Variants in ATRNL1 observed in about 807,000 individuals in gnomAD.
The protein encoded by ATRNL1 is attractin-like protein 1.
ATRNL1 carries 95 observed loss-of-function variants against 182.7 expected under a neutral mutation model. That is an observed-to-expected ratio of 0.52 (90% CI 0.44 to 0.62). The LOEUF (loss-of-function observed/expected upper bound fraction) is 0.62, where lower values mean the gene tolerates loss of function less well. Among genes scored for constraint, ATRNL1 ranks in the 20% least tolerant of loss-of-function variants. ATRNL1 has a pLI of 0.00. For missense variants in ATRNL1, 1,471 were observed against 1,679.5 expected (o/e 0.88, Z 2.17); for synonymous variants, 576 against 568.3 (o/e 1.01, Z -0.19).
At chr10:115,306,731 G>A (rs12357053) in intron 17 of ATRNL1, among the ~76,000 whole-genome samples, 38,659 of 151,630 alleles carry the variant, frequency 0.25, 5,151 homozygotes, top group South Asian at 0.32. Flanking sequence ...TCTTAACTCT[G>A]TTTGCATTTT....
intron 26 of ATRNL1, among the ~76,000 whole-genome samples, chr10:115,652,943 A>G (rs1555034765): frequency 6.6e-6 from 1 of 152,136 alleles, no homozygotes; most frequent in Non-Finnish European, 1.5e-5. Context: ...TATGTATTGT[A>G]AGTTATGTAG....
chr10:115,865,745 C>T (rs531357614), intron 28 of ATRNL1, among the ~76,000 whole-genome samples: 2 of 152,240 alleles, frequency 1.3e-5, no homozygotes, highest in Non-Finnish European at 2.9e-5. Context: ...TGTGTGACGC[C>T]GTATGCTGAG....
At chr10:115,669,906 C>T (rs1167019722) in intron 26 of ATRNL1, among the ~76,000 whole-genome samples, 1 of 152,018 alleles carries the variant, frequency 6.6e-6, no homozygotes, top group East Asian at 1.9e-4. Context: ...GGTGTTATTA[C>T]TTAGAGGTGT....
intron 26 of ATRNL1, among the ~76,000 whole-genome samples, chr10:115,563,002 A>T (rs147704992): frequency 2.0e-3 from 306 of 152,334 alleles, no homozygotes; most frequent in African/African-American, 7.0e-3. Context: ...CTACAAAACT[A>T]TGGTAATCAA....
chr10:115,107,537 G>A (rs1844067612), intron 1 of ATRNL1, among the ~76,000 whole-genome samples: 2 of 152,136 alleles, frequency 1.3e-5, no homozygotes, highest in African/African-American at 4.8e-5. Flanking sequence ...TGGGTTGGAG[G>A]CTCATGCCTG....
rs369211595 is a variant in ATRNL1, at chr10:115,395,712, T to C, written c.3269+960T>C. Among the ~76,000 whole-genome samples the C allele has an allele frequency of 5.7e-4, 86 of 151,952 alleles. 2 individuals are homozygous for C. In the South Asian group the frequency reaches 0.014, roughly 25 times the overall value. The stretch of plus-strand genomic sequence containing the variant: ...TACTGCTACTCTCCTCTCTGTACTT[T>C]CATGAATGATTTTTGTCTTAGCATT... On this transcript the variant is annotated intron_variant, in intron 20 of 28. Coordinates refer to ENST00000355044, the MANE Select transcript of ATRNL1 (RefSeq NM_207303.4).
intron 9 of ATRNL1, among the ~76,000 whole-genome samples, chr10:115,226,610 C>T (rs181186914): frequency 3.3e-5 from 5 of 151,002 alleles, no homozygotes; most frequent in African/African-American, 9.7e-5. Flanking sequence ...AAAAAGAGCC[C>T]GAATAACCAA....
intron 25 of ATRNL1, among the ~76,000 whole-genome samples, chr10:115,523,858 A>C: frequency 6.6e-6 from 1 of 152,118 alleles, no homozygotes; most frequent in East Asian, 1.9e-4. Context: ...GCAACATACC[A>C]CTTCCTGGCA....
intron 27 of ATRNL1, among the ~76,000 whole-genome samples, chr10:115,804,944 A>G (rs1949885536): frequency 1.3e-5 from 2 of 152,216 alleles, no homozygotes; most frequent in African/African-American, 4.8e-5. Flanking sequence ...GTCTAACAAC[A>G]TTTTCGTTAA....
rs116805152 is a variant in ATRNL1, at chr10:115,785,517, T to C, written c.3903+58162T>C. On this transcript the variant is annotated intron_variant, in intron 27 of 28. Coordinates refer to ENST00000355044, the MANE Select transcript of ATRNL1 (RefSeq NM_207303.4). The stretch of plus-strand genomic sequence containing the variant: ...TGATTGCTCATGCAATTCATGGGAG[T>C]CTGTGCCATTATGCAAGAAGGCCCT... Among the ~76,000 whole-genome samples, 659 of 152,282 alleles carry C rather than the reference T, an allele frequency of 4.3e-3. 3 individuals carry two copies. The highest frequency in any genetic ancestry group is 0.015 in the African/African-American group (635 of 41,562).
intron 27 of ATRNL1, among the ~76,000 whole-genome samples, chr10:115,815,416 T>TGG (rs1555088284): frequency 3.7e-3 from 3 of 806 alleles, no homozygotes; most frequent in East Asian, 0.045. Context: ...TGTGTGTGTA[T>TGG]GTGTGTGTGT....
intron 25 of ATRNL1, among the ~76,000 whole-genome samples, chr10:115,537,170 G>T (rs1191645479): frequency 1.1e-4 from 17 of 152,114 alleles, no homozygotes; most frequent in Admixed American, 1.1e-3. Context: ...TAATGCGGTG[G>T]GAGTAAACTA....
At chr10:115,592,856 T>TA (rs1555012773) in intron 26 of ATRNL1, among the ~76,000 whole-genome samples, 2 of 152,224 alleles carry the variant, frequency 1.3e-5, no homozygotes, top group Admixed American at 6.5e-5. Flanking sequence ...TGTGCCTACT[T>TA]ACAATTCTTT....
intron 11 of ATRNL1, among the ~76,000 whole-genome samples, chr10:115,265,875 A>G (rs958737705): frequency 1.3e-5 from 2 of 151,794 alleles, no homozygotes; most frequent in Non-Finnish European, 3.0e-5. Context: ...TAGCTCATTT[A>G]GTGGCTTAAC....
At chr10:115,624,120 T>G (rs1438263507) in intron 26 of ATRNL1, among the ~76,000 whole-genome samples, 1 of 152,080 alleles carries the variant, frequency 6.6e-6, no homozygotes, top group Non-Finnish European at 1.5e-5. Context: ...AATATATGTT[T>G]AGGGAAGAAG....
chr10:115,360,652 C>CT (rs869209213), intron 19 of ATRNL1, among the ~76,000 whole-genome samples: 22 of 147,268 alleles, frequency 1.5e-4, no homozygotes, highest in African/African-American at 4.5e-4. Flanking sequence ...CCTTCTTAGT[C>CT]TTTTTTTTTT....
At chr10:115,810,507 G>A (rs1950023092) in intron 27 of ATRNL1, among the ~76,000 whole-genome samples, 1 of 151,776 alleles carries the variant, frequency 6.6e-6, no homozygotes, top group African/African-American at 2.4e-5. Context: ...CTAACCTTCG[G>A]CCAGGGTAAT....
intron 24 of ATRNL1, among the ~76,000 whole-genome samples, chr10:115,508,055 T>C (rs151314945): frequency 9.2e-5 from 14 of 152,198 alleles, no homozygotes; most frequent in African/African-American, 3.1e-4. Context: ...GTTCGTGCAA[T>C]TTTTCCAATA....
chr10:115,635,505 G>A (rs1267538911), intron 26 of ATRNL1, among the ~76,000 whole-genome samples: 3 of 152,146 alleles, frequency 2.0e-5, no homozygotes, highest in African/African-American at 7.2e-5. Context: ...AAGATGTGTA[G>A]CAGTTGAACC....
Sources: gnomAD v4.1 joint callset for allele counts (sites outside exome capture counted in the v4.1 genomes callset) on GRCh38, gnomAD v4.1.1 for gene constraint, MANE v1.5 for transcripts, NCBI Gene and HGNC (gene_info 2026-07-23, HGNC 2026-07-21) for gene names.